The following BTBD10 variants were observed in gnomAD, a reference collection of about 807,000 sequenced individuals.
BTBD10 encodes the protein BTB/POZ domain-containing protein 10.
BTBD10 carries 21 observed loss-of-function variants against 53.2 expected under a neutral mutation model. The ratio of observed to expected loss-of-function variants is 0.39; its 90% confidence interval spans 0.28 to 0.57. BTBD10 has a LOEUF of 0.57. BTBD10 is among the 20% of genes least tolerant of loss of function. BTBD10 has a pLI of 0.53. For synonymous variants in BTBD10, 149 were observed against 192.7 expected, an observed-to-expected ratio of 0.77 and a Z score of 1.88; for missense variants, 360 against 594.7, an observed-to-expected ratio of 0.61 and a Z score of 4.10.
In BTBD10 at chr11:13,389,066, CTT is replaced by C. The variant is rs1171460534; in HGVS notation, c.1191_1192del (p.Arg398ThrfsTer25). On this transcript the variant is annotated frameshift_variant, in exon 9 of 9. Coordinates refer to ENST00000278174, the MANE Select transcript of BTBD10 (RefSeq NM_032320.7). LOFTEE classifies it high-confidence loss of function. The stretch of plus-strand genomic sequence containing the variant: ...CTCCCAGGACATTCGAATAAAGGGT[CTT>C]TGGACATAGTTGTAGATCACTTCTG... The C allele has an allele frequency of 1.9e-6, 3 of 1,614,120 alleles. No homozygotes were observed. The highest frequency in any genetic ancestry group is 2.5e-6 in the Non-Finnish European group (3 of 1,180,048).
intron 8 of BTBD10, among the ~76,000 whole-genome samples, chr11:13,395,492 C>A (rs1446718501): frequency 6.6e-6 from 1 of 152,162 alleles, no homozygotes; most frequent in Non-Finnish European, 1.5e-5. Flanking sequence ...TGTAGGTTGC[C>A]TGTTCACTCT....
At chr11:13,450,120 G>A (rs1950828010) in intron 1 of BTBD10, among the ~76,000 whole-genome samples, 1 of 152,218 alleles carries the variant, frequency 6.6e-6, no homozygotes. Flanking sequence ...GAATAGTGAA[G>A]AGGATAGAAT....
At chr11:13,390,759 C>G (rs1020956402) in intron 8 of BTBD10, among the ~76,000 whole-genome samples, 20 of 152,154 alleles carry the variant, frequency 1.3e-4, no homozygotes, top group African/African-American at 4.3e-4. Context: ...AGTAGGGGAT[C>G]AATTAATGAT....
At chr11:13,394,812 G>A (rs988083591) in intron 8 of BTBD10, among the ~76,000 whole-genome samples, 4 of 151,836 alleles carry the variant, frequency 2.6e-5, no homozygotes, top group Admixed American at 6.6e-5. Context: ...TTGTCCTTGC[G>A]ATAGTTTGCT....
At chr11:13,453,413 G>C (rs984701718) in intron 1 of BTBD10, among the ~76,000 whole-genome samples, 1 of 152,248 alleles carries the variant, frequency 6.6e-6, no homozygotes, top group Middle Eastern at 3.4e-3. Context: ...GAAAATGCTG[G>C]AATAAGGAGA....
chr11:13,434,831 A>G (rs1453428297), intron 2 of BTBD10, among the ~76,000 whole-genome samples: 1 of 152,222 alleles, frequency 6.6e-6, no homozygotes. Flanking sequence ...TAGACTATAT[A>G]TTTTGAAGAA....
intron 8 of BTBD10, among the ~76,000 whole-genome samples, chr11:13,394,945 T>A (rs1227577481): frequency 6.6e-6 from 1 of 151,612 alleles, no homozygotes; most frequent in African/African-American, 2.4e-5. Context: ...TCTATCATTG[T>A]TGGACATTTG....
chr11:13,397,695 C>T (rs995797431), intron 8 of BTBD10, among the ~76,000 whole-genome samples: 2 of 152,156 alleles, frequency 1.3e-5, no homozygotes, highest in Non-Finnish European at 2.9e-5. Flanking sequence ...ATAAATTTCC[C>T]TCTACACACT....
chr11:13,408,140 A>G (rs919454899), intron 6 of BTBD10, among the ~76,000 whole-genome samples: 3 of 152,310 alleles, frequency 2.0e-5, no homozygotes, highest in African/African-American at 7.2e-5. Context: ...GAGTAATAAA[A>G]TGGTTATAGT....
At chr11:13,449,261 A>T (rs1950806531) in intron 1 of BTBD10, among the ~76,000 whole-genome samples, 1 of 152,180 alleles carries the variant, frequency 6.6e-6, no homozygotes, top group African/African-American at 2.4e-5. Context: ...GACAATGCAC[A>T]GTGTATGGAG....
chr11:13,445,192 G>A lies in BTBD10; in HGVS notation c.-57-11C>T. 3 of 1,077,322 alleles carry A rather than the reference G, an allele frequency of 2.8e-6. No individual in the cohort carries two copies. Among genetic ancestry groups the A allele is most frequent in the African/African-American group, 1.6e-5 (1 of 64,426 alleles). 66.7% of individuals were successfully genotyped at this position (1,077,322 alleles called of 1,614,324 possible). On this transcript the variant is annotated splice_polypyrimidine_tract_variant and intron_variant, in intron 1 of 8. Coordinates refer to ENST00000278174, the MANE Select transcript of BTBD10 (RefSeq NM_032320.7). ...TGTAGCACCCATAACCTACATAAAA[G>A]AGCAGTGTTGACCTTTAAATCTATT...
chr11:13,399,903 TG>T (rs1383114391), intron 8 of BTBD10, among the ~76,000 whole-genome samples: 1 of 152,190 alleles, frequency 6.6e-6, no homozygotes, highest in African/African-American at 2.4e-5. Flanking sequence ...ATCGTTCCTC[TG>T]GAAGTTTTCT....
chr11:13,396,216 G>C (rs1156888581), intron 8 of BTBD10, among the ~76,000 whole-genome samples: 1 of 152,020 alleles, frequency 6.6e-6, no homozygotes, highest in African/African-American at 2.4e-5. Context: ...TTATTTCACT[G>C]AGCAGTGGTT....
chr11:13,400,295 A>G (rs1949681428), intron 8 of BTBD10, among the ~76,000 whole-genome samples: 1 of 152,136 alleles, frequency 6.6e-6, no homozygotes, highest in East Asian at 1.9e-4. Flanking sequence ...TTGATCTCAG[A>G]CTGCTGTGCT....
chr11:13,413,820 C>T (rs1219584178), intron 5 of BTBD10, among the ~76,000 whole-genome samples, 170 bp from the exon 6 acceptor site: 1 of 152,128 alleles, frequency 6.6e-6, no homozygotes, highest in Non-Finnish European at 1.5e-5. Context: ...ACTACTTTTT[C>T]ATTTTACCTA....
intron 8 of BTBD10, among the ~76,000 whole-genome samples, chr11:13,397,802 C>T (rs1403684179): frequency 6.6e-6 from 1 of 152,180 alleles, no homozygotes; most frequent in African/African-American, 2.4e-5. Flanking sequence ...GTTATGTACC[C>T]AGTAGTCATT....
intron 6 of BTBD10, among the ~76,000 whole-genome samples, chr11:13,407,902 T>C (rs1403024102): frequency 1.3e-5 from 2 of 152,162 alleles, no homozygotes; most frequent in South Asian, 2.1e-4. Context: ...ATTTGAGAAG[T>C]TCAAGTCATA....
intron 8 of BTBD10, among the ~76,000 whole-genome samples, chr11:13,391,683 ATAAAG>A (rs1949408491): frequency 6.6e-6 from 1 of 152,204 alleles, no homozygotes; most frequent in Admixed American, 6.5e-5. Flanking sequence ...TCCTTTAAAA[ATAAAG>A]TAAAATCAGC....
intron 1 of BTBD10, among the ~76,000 whole-genome samples, chr11:13,448,898 G>A (rs963459075): frequency 2.6e-4 from 39 of 152,102 alleles, no homozygotes; most frequent in African/African-American, 9.4e-4. Context: ...CCAGACAACC[G>A]AAAATAAAAT....
Sources: allele counts gnomAD v4.1 joint callset (sites outside exome capture counted in the v4.1 genomes callset), GRCh38; gene constraint gnomAD v4.1.1; transcripts MANE v1.5; gene names NCBI Gene and HGNC (gene_info 2026-07-23, HGNC 2026-07-21).